The following CSRNP3 variants were observed in gnomAD, a reference collection of about 807,000 sequenced individuals.
CSRNP3 encodes the protein cysteine/serine-rich nuclear protein 3.
In CSRNP3, 12 loss-of-function variants were observed where a neutral mutation model predicts 48.0. That is an observed-to-expected ratio of 0.25 (90% CI 0.16 to 0.41). The LOEUF (loss-of-function observed/expected upper bound fraction) is 0.41, where lower values mean the gene tolerates loss of function less well. CSRNP3 is among the 10% of genes least tolerant of loss of function. CSRNP3 has a pLI of 1.00. For missense variants in CSRNP3, 580 were observed against 724.4 expected (o/e 0.80, Z 2.29); for synonymous variants, 263 against 269.7 (o/e 0.98, Z 0.24).
At chr2:165,542,522 C>A (rs1347521196) in intron 3 of CSRNP3, among the ~76,000 whole-genome samples, 2 of 152,032 alleles carry the variant, frequency 1.3e-5, no homozygotes, top group Non-Finnish European at 2.9e-5. Flanking sequence ...TTTGTGAGCA[C>A]CTTCACTATA....
At chr2:165,649,421 A>G (rs1686869459) in intron 4 of CSRNP3, among the ~76,000 whole-genome samples, 1 of 152,238 alleles carries the variant, frequency 6.6e-6, no homozygotes, top group African/African-American at 2.4e-5. Flanking sequence ...AATCCTATGT[A>G]TGAATTATAA....
intron 4 of CSRNP3, among the ~76,000 whole-genome samples, chr2:165,656,030 G>C (rs893017824): frequency 6.6e-6 from 1 of 152,128 alleles, no homozygotes; most frequent in South Asian, 2.1e-4. Flanking sequence ...TAATAGAAAA[G>C]CAGATAGGAA....
At chr2:165,524,815 A>G (rs955443228) in intron 3 of CSRNP3, among the ~76,000 whole-genome samples, 1 of 152,228 alleles carries the variant, frequency 6.6e-6, no homozygotes, top group African/African-American at 2.4e-5. Flanking sequence ...TGACTGTACC[A>G]TGGCTTGTTT....
intron 4 of CSRNP3, among the ~76,000 whole-genome samples, chr2:165,652,181 G>A (rs1017347258): frequency 1.3e-5 from 2 of 152,212 alleles, no homozygotes; most frequent in African/African-American, 4.8e-5. Flanking sequence ...CTGGTATTAT[G>A]TTGGGATAAA....
intron 4 of CSRNP3, among the ~76,000 whole-genome samples, chr2:165,638,596 C>A (rs1269014783): frequency 2.0e-5 from 3 of 152,060 alleles, no homozygotes; most frequent in African/African-American, 2.4e-5. Context: ...AATATGCCAA[C>A]AAGTAGTATA....
intron 3 of CSRNP3, among the ~76,000 whole-genome samples, chr2:165,532,607 T>G (rs1466321279): frequency 6.6e-6 from 1 of 151,190 alleles, no homozygotes; most frequent in Non-Finnish European, 1.5e-5. Flanking sequence ...AATATCATAC[T>G]GAATGGGCAA....
intron 3 of CSRNP3, among the ~76,000 whole-genome samples, chr2:165,586,049 G>A (rs763236112): frequency 1.3e-5 from 2 of 152,046 alleles, no homozygotes; most frequent in African/African-American, 2.4e-5. Context: ...TTCATTTTCC[G>A]GCCAGGAAAG....
chr2:165,643,880 T>G (rs1304776953), intron 4 of CSRNP3, among the ~76,000 whole-genome samples: 4 of 152,200 alleles, frequency 2.6e-5, no homozygotes, highest in Non-Finnish European at 2.9e-5. Context: ...TTAAGCAATA[T>G]GATTTTTTTA....
intron 4 of CSRNP3, among the ~76,000 whole-genome samples, chr2:165,629,070 A>G (rs1686488076): frequency 6.6e-6 from 1 of 152,188 alleles, no homozygotes; most frequent in Admixed American, 6.5e-5. Context: ...GAATATTTAC[A>G]CTATGGAAAT....
At chr2:165,583,288 A>G (rs1685576378) in intron 3 of CSRNP3, among the ~76,000 whole-genome samples, 1 of 152,224 alleles carries the variant, frequency 6.6e-6, no homozygotes, top group African/African-American at 2.4e-5. Flanking sequence ...ATAAATGTTC[A>G]AGGCACTTTT....
At chr2:165,654,928 C>T (rs1229037964) in intron 4 of CSRNP3, among the ~76,000 whole-genome samples, 2 of 152,232 alleles carry the variant, frequency 1.3e-5, no homozygotes. Flanking sequence ...CACCCGGAAT[C>T]ATCTGTGTTT....
chr2:165,506,882 T>C (rs748850988), intron 2 of CSRNP3, among the ~76,000 whole-genome samples: 14 of 152,050 alleles, frequency 9.2e-5, no homozygotes, highest in Non-Finnish European at 2.1e-4. Flanking sequence ...ATTTCTCCCT[T>C]GTAGTGGTAA....
At position 165,672,449 on chromosome 2, in the gene CSRNP3, GT is replaced by G. The variant is rs572905687; in HGVS notation, c.409-3860del. On this transcript the variant is annotated intron_variant, in intron 5 of 6. Transcript: ENST00000651982. ...AGGGAATGAGAACCAAGCTAAAAGGGTTTCCCCTTATGAAACCATCAGGTCT... is the reference window on the plus strand; with the variant it reads ...AGGGAATGAGAACCAAGCTAAAAGGGTTCCCCTTATGAAACCATCAGGTCT... Among the ~76,000 whole-genome samples, 143 of 152,294 alleles carry G rather than the reference GT, an allele frequency of 9.4e-4. 1 individual carries two copies. The South Asian group carries it at 0.01, about 11-fold the overall frequency.
At chr2:165,496,808 C>G (rs556053611) in intron 2 of CSRNP3, among the ~76,000 whole-genome samples, 1 of 152,050 alleles carries the variant, frequency 6.6e-6, no homozygotes, top group East Asian at 1.9e-4. Flanking sequence ...CGCCAGCATG[C>G]TTACAACCTC....
At chr2:165,486,394 G>C (rs1452141374) in intron 1 of CSRNP3, among the ~76,000 whole-genome samples, 45 of 151,158 alleles carry the variant, frequency 3.0e-4, no homozygotes, top group African/African-American at 9.9e-4. Context: ...GCCCAGGCTT[G>C]CTTAGGTAAA....
In CSRNP3 at chr2:165,683,667, C is replaced by T. The variant is rs1208078660; in HGVS notation, c.*3914C>T. 2 of 152,020 alleles carry T rather than the reference C, an allele frequency of 1.3e-5. No homozygotes were observed. Among genetic ancestry groups the T allele is most frequent in the Non-Finnish European group, 2.9e-5 (2 of 67,988 alleles). The allele number at this position is 152,020 out of a possible 1,614,324, so 9.4% of individuals were successfully genotyped here. ...TCTTTCAACAAATATGTACTGAACA[C>T]ATGCTGTGTTAGAACAACTGTCTTG... is the stretch of plus-strand genomic sequence containing the variant. On this transcript the variant is annotated 3_prime_UTR_variant, in exon 7 of 7. Transcript: ENST00000651982.
intron 3 of CSRNP3, among the ~76,000 whole-genome samples, chr2:165,548,939 T>C (rs1049794471): frequency 6.6e-6 from 1 of 152,108 alleles, no homozygotes; most frequent in East Asian, 1.9e-4. Flanking sequence ...GAATTAACAA[T>C]TAAAAATATC....
At chr2:165,603,954 C>T (rs1005998125) in intron 4 of CSRNP3, among the ~76,000 whole-genome samples, 1 of 152,202 alleles carries the variant, frequency 6.6e-6, no homozygotes, top group African/African-American at 2.4e-5. Context: ...TGTCTTTACC[C>T]TAATAGGCAG....
intron 1 of CSRNP3, among the ~76,000 whole-genome samples, chr2:165,475,423 G>T (rs966690934): frequency 6.6e-6 from 1 of 152,084 alleles, no homozygotes; most frequent in Non-Finnish European, 1.5e-5. Flanking sequence ...CAACATACAG[G>T]CAGGGCCAAG....
Sources: allele counts gnomAD v4.1 joint callset (sites outside exome capture counted in the v4.1 genomes callset), GRCh38; gene constraint gnomAD v4.1.1; transcripts MANE v1.5; gene names NCBI Gene and HGNC (gene_info 2026-07-23, HGNC 2026-07-21).